Variants in CELF5 observed in about 807,000 individuals in gnomAD.
The protein encoded by CELF5 is CUGBP Elav-like family member 5.
A neutral mutation model predicts 54.9 loss-of-function variants in CELF5; 6 were observed. The observed-to-expected ratio is 0.11, with a 90% CI of 0.06 to 0.22. The LOEUF (loss-of-function observed/expected upper bound fraction) is 0.22. Ranked by LOEUF, CELF5 falls within the 10% of genes least tolerant of loss-of-function variation. CELF5 has a pLI of 1.00. For missense variants in CELF5, 401 were observed against 678.6 expected, an observed-to-expected ratio of 0.59 and a Z score of 4.54; for synonymous variants, 271 against 290.9, an observed-to-expected ratio of 0.93 and a Z score of 0.70.
At chr19:3,253,621 G>A (rs115619014) in intron 2 of CELF5, among the ~76,000 whole-genome samples, 83 of 152,296 alleles carry the variant, frequency 5.4e-4, no homozygotes, top group African/African-American at 1.9e-3. Context: ...GCCCAGGGGT[G>A]CAGAGCAGGG....
chr19:3,290,440 G>C, intron 11 of CELF5, 66 bp downstream of exon 11: 1 of 1,588,380 alleles, frequency 6.3e-7, no homozygotes, highest in East Asian at 2.2e-5. Flanking sequence ...CAGGGAATGG[G>C]AGGGTTTTGG....
rs776192269 is a variant in CELF5, at chr19:3,273,900, C to T, written c.371C>T (p.Ala124Val). ...GCGCGGCCAATCCAGGTGAAGCCTG[C>T]GGACAGTGAAAGCCGCGGAGGTAGT... ...GMARPIQVKP[A>V]DSESRGGRDR... Residue 124 changes from alanine (A) to valine (V), a missense_variant, in exon 3 of 13, where the codon GCG becomes GTG. Around this residue, in one of 6 missense-constraint regions of CELF5, gnomAD observed 66 missense variants for 132.3 expected, o/e 0.50. Transcript: ENST00000292672. The T allele has an allele frequency of 5.0e-6, 8 of 1,613,522 alleles. No individual in the cohort carries two copies. Among genetic ancestry groups the T allele is most frequent in the Admixed American group, 3.3e-5 (2 of 59,990 alleles).
chr19:3,272,321 A>C (rs1439663344), intron 2 of CELF5, among the ~76,000 whole-genome samples: 2 of 152,046 alleles, frequency 1.3e-5, no homozygotes, highest in African/African-American at 2.4e-5. Context: ...GTAAGCCGAG[A>C]TCACGTCACT....
intron 2 of CELF5, among the ~76,000 whole-genome samples, chr19:3,272,490 G>C (rs548899846): frequency 6.6e-6 from 1 of 152,328 alleles, no homozygotes; most frequent in South Asian, 2.1e-4. Flanking sequence ...ATAGGACTCA[G>C]GGGATGTGGG....
At chr19:3,292,398 C>T (rs957939626) in intron 11 of CELF5, among the ~76,000 whole-genome samples, 1 of 151,892 alleles carries the variant, frequency 6.6e-6, no homozygotes, top group East Asian at 1.9e-4. Context: ...ATTCTCCTGC[C>T]TCAGCCTCCT....
intron 1 of CELF5, among the ~76,000 whole-genome samples, chr19:3,227,206 G>C (rs566674955): frequency 1.8e-4 from 28 of 152,080 alleles, no homozygotes; most frequent in Non-Finnish European, 3.2e-4. Flanking sequence ...ACGAAGGGGT[G>C]GGGGGGTGTC....
At chr19:3,242,305 G>A (rs146710306) in intron 1 of CELF5, among the ~76,000 whole-genome samples, 2,211 of 152,012 alleles carry the variant, frequency 0.015, 120 homozygotes, top group East Asian at 0.11. Context: ...AGGCTGAGGC[G>A]GGCAGATTAC....
intron 2 of CELF5, among the ~76,000 whole-genome samples, chr19:3,271,695 G>A (rs1356898833): frequency 1.3e-5 from 2 of 152,124 alleles, no homozygotes. Flanking sequence ...GAGAGGCTCA[G>A]CGAGAGGAGG....
chr19:3,226,479 A>AG (rs1916926166), intron 1 of CELF5, among the ~76,000 whole-genome samples: 1 of 24,782 alleles, frequency 4.0e-5, no homozygotes, highest in African/African-American at 1.5e-4. Flanking sequence ...CACACACAAA[A>AG]TTGGGCCTGA....
intron 10 of CELF5, among the ~76,000 whole-genome samples, chr19:3,290,014 A>G (rs1472378655): frequency 6.6e-6 from 1 of 151,950 alleles, no homozygotes; most frequent in Non-Finnish European, 1.5e-5. Context: ...TTTGGTGCGG[A>G]GTAGCCCCGT....
At chr19:3,276,386 T>G (rs1280985140) in intron 4 of CELF5, among the ~76,000 whole-genome samples, 1 of 149,504 alleles carries the variant, frequency 6.7e-6, no homozygotes, top group Non-Finnish European at 1.5e-5. Flanking sequence ...AGAGCTGAAG[T>G]CTGTGGGTGA....
At chr19:3,250,566 C>T (rs144970611) in intron 1 of CELF5, among the ~76,000 whole-genome samples, 1,847 of 152,236 alleles carry the variant, frequency 0.012, 27 homozygotes, top group Non-Finnish European at 0.017. Flanking sequence ...ACCATCACCA[C>T]CATCATCTCC....
chr19:3,283,494 G>A (rs2080184865), intron 8 of CELF5, among the ~76,000 whole-genome samples: 1 of 152,052 alleles, frequency 6.6e-6, no homozygotes. Context: ...GGGACTACAA[G>A]CATGTGCCAT....
At chr19:3,237,173 A>G (rs929206494) in intron 1 of CELF5, among the ~76,000 whole-genome samples, 16 of 149,724 alleles carry the variant, frequency 1.1e-4, no homozygotes, top group African/African-American at 2.9e-4. Context: ...TTAGCCGGGC[A>G]TGGTGGCAGG....
intron 2 of CELF5, among the ~76,000 whole-genome samples, chr19:3,273,186 C>T (rs1043603854): frequency 2.6e-5 from 4 of 152,050 alleles, no homozygotes; most frequent in East Asian, 1.9e-4. Flanking sequence ...TATTTGTTCT[C>T]GATTCTGCAA....
intron 1 of CELF5, among the ~76,000 whole-genome samples, chr19:3,250,611 C>T (rs916465476): frequency 6.6e-6 from 1 of 152,192 alleles, no homozygotes; most frequent in African/African-American, 2.4e-5. Context: ...GAAACTCTGT[C>T]CCCATGATAC....
At chr19:3,230,511 G>A (rs1427194445) in intron 1 of CELF5, among the ~76,000 whole-genome samples, 1 of 152,228 alleles carries the variant, frequency 6.6e-6, no homozygotes, top group Admixed American at 6.5e-5. Flanking sequence ...CTAGGGTAGA[G>A]GACGGATTAG....
chr19:3,248,901 C>T lies in CELF5; in HGVS notation c.260-2084C>T, dbSNP rs867595648. ...TCCTTCCTTCCTTCCTTCCTTCCTT[C>T]CTTCCTTTCTTTCTTTCTTTCTTTC... On this transcript the variant is annotated intron_variant, in intron 1 of 12. Transcript: ENST00000292672. Among the ~76,000 whole-genome samples the T allele has an allele frequency of 2.8e-3, 292 of 104,220 alleles. 1 individual carries two copies. The highest frequency in any genetic ancestry group is 3.6e-3 in the African/African-American group (112 of 31,158). 68.4% of individuals were successfully genotyped at this position (104,220 alleles called of 152,430 possible).
chr19:3,228,137 CAG>C lies in CELF5; in HGVS notation c.259+3155_259+3156del, dbSNP rs140813532. On this transcript the variant is annotated intron_variant, in intron 1 of 12. Transcript: ENST00000292672. This position sits in a 1 kb window ranked among gnomAD's most constrained non-coding sequence, Gnocchi z 6.0. ...AGAGAGAGAGAGAGAGATGAGGACA[CAG>C]AGAGAGAGAGAGAGACACGCAGGGA... Among the ~76,000 whole-genome samples the C allele has an allele frequency of 8.1e-3, 1,205 of 148,522 alleles. 7 individuals are homozygous for C. The highest frequency in any genetic ancestry group is 0.024 in the African/African-American group (967 of 40,818).
Sources: gnomAD v4.1 joint callset for allele counts (sites outside exome capture counted in the v4.1 genomes callset) on GRCh38, gnomAD v4.1.1 for gene constraint, gnomAD v4.1.1 regional missense constraint, Gnocchi (gnomAD v3.1) non-coding constraint, MANE v1.5 for transcripts, NCBI Gene and HGNC (gene_info 2026-07-23, HGNC 2026-07-21) for gene names.